Variants in RASSF8 observed in about 807,000 individuals in gnomAD.
The protein encoded by RASSF8 is ras association domain-containing protein 8.
Under a neutral mutation model 48.5 loss-of-function variants are expected in RASSF8, and 22 were observed. That is an observed-to-expected ratio of 0.45 (90% confidence interval 0.32 to 0.65). RASSF8 has a LOEUF of 0.65. Ranked by LOEUF, RASSF8 falls within the 30% of genes least tolerant of loss-of-function variation. RASSF8 has a pLI of 0.03. For synonymous variants in RASSF8, 127 were observed against 171.5 expected (o/e 0.74, Z 2.03); for missense variants, 418 against 489.2 (o/e 0.85, Z 1.37).
chr12:26,074,593 T>A (rs886083067), downstream of RASSF8, among the ~76,000 whole-genome samples: 1 of 151,988 alleles, frequency 6.6e-6, no homozygotes, highest in African/African-American at 2.4e-5. Context: ...TCCACCCGCC[T>A]CGTCCTCCCA....
chr12:26,065,476 A>C (rs1203113343), intron 4 of RASSF8, 89 bp downstream of exon 4: 3 of 1,453,924 alleles, frequency 2.1e-6, no homozygotes, highest in Non-Finnish European at 1.8e-6. Flanking sequence ...ATTTTTCCTT[A>C]TATTCAAAGA....
At chr12:25,982,776 G>A (rs946143033) in intron 1 of RASSF8, among the ~76,000 whole-genome samples, 3 of 152,236 alleles carry the variant, frequency 2.0e-5, no homozygotes, top group Admixed American at 6.5e-5. Flanking sequence ...CTTTCATAGT[G>A]TATTGTAGAA....
At chr12:26,005,535 G>C (rs1942370277) in intron 2 of RASSF8, among the ~76,000 whole-genome samples, 1 of 152,150 alleles carries the variant, frequency 6.6e-6, no homozygotes, top group Non-Finnish European at 1.5e-5. Context: ...GACAAGGTTA[G>C]AATATAAAAT....
intron 2 of RASSF8, among the ~76,000 whole-genome samples, chr12:26,022,731 T>A (rs1288520947): frequency 6.6e-6 from 1 of 151,964 alleles, no homozygotes; most frequent in Admixed American, 6.6e-5. Context: ...GGCTCCACAG[T>A]TGATTTCTTT....
intron 2 of RASSF8, among the ~76,000 whole-genome samples, chr12:26,041,604 C>T (rs1943266728): frequency 6.6e-6 from 1 of 152,092 alleles, no homozygotes; most frequent in East Asian, 1.9e-4. Context: ...GGGGTGTACA[C>T]ACCCATATAT....
At chr12:25,993,334 G>A (rs1002426569) in intron 1 of RASSF8, among the ~76,000 whole-genome samples, 2 of 152,092 alleles carry the variant, frequency 1.3e-5, no homozygotes, top group Non-Finnish European at 2.9e-5. Context: ...TTTTATGGAT[G>A]AAGAAGATAA....
At chr12:25,972,724 A>G (rs1332915341) in intron 1 of RASSF8, among the ~76,000 whole-genome samples, 2 of 152,326 alleles carry the variant, frequency 1.3e-5, no homozygotes, top group Non-Finnish European at 2.9e-5. Context: ...CAAAATATTA[A>G]CATAATTTTT....
chr12:25,966,949 G>A (rs945684881), intron 1 of RASSF8, among the ~76,000 whole-genome samples: 1 of 152,192 alleles, frequency 6.6e-6, no homozygotes, highest in Non-Finnish European at 1.5e-5. Context: ...TTCTTACATG[G>A]TGTGAGTTAT....
chr12:26,066,214 T>C (rs1943871471), intron 4 of RASSF8, among the ~76,000 whole-genome samples: 3 of 152,176 alleles, frequency 2.0e-5, no homozygotes, highest in African/African-American at 7.2e-5. Context: ...TTTCCACCAT[T>C]GAAGGAGGTT....
intron 2 of RASSF8, among the ~76,000 whole-genome samples, chr12:26,035,034 A>G (rs1592290759): frequency 1.3e-5 from 2 of 152,274 alleles, no homozygotes; most frequent in East Asian, 1.9e-4. Flanking sequence ...GTGTTGCCCT[A>G]TAAACTTTAA....
chr12:26,073,978 T>C (rs1346130329), downstream of RASSF8, among the ~76,000 whole-genome samples: 2 of 149,416 alleles, frequency 1.3e-5, no homozygotes, highest in African/African-American at 5.0e-5. Context: ...AGAGAGAGTC[T>C]CACTCTAAAA....
intron 2 of RASSF8, among the ~76,000 whole-genome samples, chr12:26,022,667 T>G (rs911062190): frequency 2.0e-5 from 3 of 150,356 alleles, no homozygotes; most frequent in Non-Finnish European, 4.4e-5. Flanking sequence ...TAAAAAAGAA[T>G]CAAATTGAAA....
In RASSF8 at chr12:26,072,580, T is replaced by A. The variant is rs1485268325; in HGVS notation, c.*3762T>A. 1.2e-4 allele frequency: 122 copies of A among 985,262 alleles called. No individual in the cohort carries two copies. Among genetic ancestry groups the A allele is most frequent in the Non-Finnish European group, 1.5e-4 (121 of 829,896 alleles). The allele number at this position is 985,262 out of a possible 1,614,324, so 61.0% of individuals were successfully genotyped here. A position where few individuals can be genotyped will look rare whatever the true frequency, so the allele number is the denominator to read the frequency against. Reference sequence around the variant, plus strand: ...ATAGATTTACAGCCAGACATGGTGATAGCCCTAAATGTATTTCTCAATATG... The same window carrying A: ...ATAGATTTACAGCCAGACATGGTGAAAGCCCTAAATGTATTTCTCAATATG... On this transcript the variant is annotated 3_prime_UTR_variant, in exon 6 of 6. Coordinates refer to ENST00000689635, the MANE Select transcript of RASSF8 (RefSeq NM_001394098.1).
chr12:26,013,631 CT>C (rs5797155), intron 2 of RASSF8, among the ~76,000 whole-genome samples: 106,854 of 150,482 alleles, frequency 0.71, 37,881 homozygotes, highest in South Asian at 0.77. Context: ...GAAAACTTCA[CT>C]TTTTTTTTTT....
chr12:25,986,917 GTTT>G (rs68185131), intron 1 of RASSF8, among the ~76,000 whole-genome samples: 56 of 145,512 alleles, frequency 3.8e-4, no homozygotes, highest in South Asian at 2.2e-3. Context: ...TTGAACTACC[GTTT>G]TTTTTTTTTG....
At chr12:25,974,166 AT>A (rs576197295) in intron 1 of RASSF8, among the ~76,000 whole-genome samples, 3 of 151,684 alleles carry the variant, frequency 2.0e-5, no homozygotes, top group Non-Finnish European at 2.9e-5. Context: ...ATGGAGTGTA[AT>A]TTTTTTCCCC....
At chr12:25,965,065 C>T (rs1941325826) in intron 1 of RASSF8, among the ~76,000 whole-genome samples, 1 of 152,076 alleles carries the variant, frequency 6.6e-6, no homozygotes, top group African/African-American at 2.4e-5. Flanking sequence ...GCCTCAGCCT[C>T]CTGAGTAGCT....
chr12:26,029,595 T>C (rs1565627010), intron 2 of RASSF8, among the ~76,000 whole-genome samples: 1 of 152,206 alleles, frequency 6.6e-6, no homozygotes, highest in Non-Finnish European at 1.5e-5. Context: ...TCATCAGCTG[T>C]GCTCTGTACT....
At chr12:25,963,321 CAAAAAA>C (rs61607517) in intron 1 of RASSF8, among the ~76,000 whole-genome samples, 27 of 96,168 alleles carry the variant, frequency 2.8e-4, no homozygotes, top group East Asian at 1.6e-3. Context: ...TTGTTTTAGC[CAAAAAA>C]AAAAAAAAAA....
Sources: gnomAD v4.1 joint callset for allele counts (sites outside exome capture counted in the v4.1 genomes callset) on GRCh38, gnomAD v4.1.1 for gene constraint, MANE v1.5 for transcripts, NCBI Gene and HGNC (gene_info 2026-07-23, HGNC 2026-07-21) for gene names.